SACM1L: variants seen among roughly 807,000 people sequenced by gnomAD.
SACM1L encodes the protein phosphatidylinositol-3-phosphatase SAC1.
SACM1L carries 32 observed loss-of-function variants against 89.5 expected under a neutral mutation model. The observed-to-expected ratio is 0.36, with a 90% confidence interval of 0.27 to 0.48. The LOEUF is 0.48. Among genes scored for constraint, SACM1L ranks in the 20% least tolerant of loss-of-function variants. SACM1L has a pLI of 0.99. For missense variants in SACM1L, 543 were observed against 708.5 expected (o/e 0.77, Z 2.65); for synonymous variants, 213 against 232.8 (o/e 0.92, Z 0.77).
intron 11 of SACM1L, among the ~76,000 whole-genome samples, chr3:45,726,352 C>CT (rs1017690628): frequency 2.5e-3 from 364 of 145,152 alleles, no homozygotes; most frequent in African/African-American, 7.8e-3. Context: ...TGTTAGGAGA[C>CT]TTTTTTTTTT....
chr3:45,732,189 A>T (rs1699088631), intron 13 of SACM1L, 38 bp downstream of exon 13: 2 of 1,215,832 alleles, frequency 1.6e-6, no homozygotes, highest in African/African-American at 1.5e-5. Context: ...TAGAGGGAAG[A>T]GGTATATATA....
At chr3:45,735,045 T>C (rs372289067) in intron 13 of SACM1L, 190 bp from the exon 14 acceptor site, 2 of 463,598 alleles carry the variant, frequency 4.3e-6, no homozygotes, top group South Asian at 6.0e-5. Context: ...TGGAGGGCTG[T>C]CTTGCCTCAG....
rs1214691445 is a variant in SACM1L, at chr3:45,745,011, A to G, written c.*1342A>G. ...TCACTATCTTTTATAAAACATTAAT[A>G]TAAGTCGTTACTTTTAGAAACTAAA... On this transcript the variant is annotated 3_prime_UTR_variant, in exon 20 of 20. Transcript: ENST00000389061. 3 of 151,322 alleles carry G rather than the reference A, an allele frequency of 2.0e-5. No individual in the cohort carries two copies. The highest frequency in any genetic ancestry group is 2.3e-4 in the East Asian group (1 of 4,312). The allele number at this position is 151,322 out of a possible 1,614,324, so 9.4% of individuals were successfully genotyped here. A position where few individuals can be genotyped will look rare whatever the true frequency, so the allele number is the denominator to read the frequency against.
Position 45,737,742 on chromosome 3 carries a change from A to G in SACM1L, c.1310-30A>G, listed in dbSNP as rs779053742. On this transcript the variant is annotated intron_variant, in intron 15 of 19. Transcript: ENST00000389061. ...TAGAACTTTGTTTGTCATCTTAATA[A>G]TTATCAGCTGTTTTTACTTTTTTCT... 2.5e-6 allele frequency: 4 copies of G among 1,601,298 alleles called. No individual in the cohort carries two copies. In the East Asian group the frequency reaches 6.7e-5, roughly 27 times the overall value.
Position 45,698,461 on chromosome 3 carries a change from CAGAG to C in SACM1L, c.33-4971_33-4968del, listed in dbSNP as rs1268366735. Among the ~76,000 whole-genome samples, 16 of 152,330 alleles carry C rather than the reference CAGAG, an allele frequency of 1.1e-4. No homozygotes were observed. In the South Asian group the frequency reaches 2.7e-3, roughly 26 times the overall value. ...CAATTTAGATTCCAACAGCATCTCTCAGAGAGAGAAGATCAAGCAAAGGCCTCAG... is the reference window on the plus strand; with the variant it reads ...CAATTTAGATTCCAACAGCATCTCTCAGAGAAGATCAAGCAAAGGCCTCAG... On this transcript the variant is annotated intron_variant, in intron 1 of 19. Coordinates refer to ENST00000389061, the MANE Select transcript of SACM1L (RefSeq NM_014016.5).
chr3:45,729,748 A>G (rs576803008), intron 11 of SACM1L, among the ~76,000 whole-genome samples: 243 of 152,112 alleles, frequency 1.6e-3, no homozygotes, highest in Admixed American at 3.5e-3. Flanking sequence ...TCTTTCAGCT[A>G]TGTGATTATA....
At chr3:45,696,889 G>T (rs1698140492) in intron 1 of SACM1L, among the ~76,000 whole-genome samples, 1 of 152,050 alleles carries the variant, frequency 6.6e-6, no homozygotes, top group African/African-American at 2.4e-5. Flanking sequence ...TAAAGATATT[G>T]CTTTTCTTAA....
chr3:45,714,570 T>A (rs1316077904), intron 7 of SACM1L, among the ~76,000 whole-genome samples: 1 of 152,170 alleles, frequency 6.6e-6, no homozygotes, highest in African/African-American at 2.4e-5. Flanking sequence ...CACTCCAGCC[T>A]GGGTGACAGG....
At chr3:45,695,070 G>A (rs1419078109) in intron 1 of SACM1L, among the ~76,000 whole-genome samples, 2 of 152,096 alleles carry the variant, frequency 1.3e-5, no homozygotes, top group African/African-American at 2.4e-5. Context: ...ACCAGGGAGG[G>A]CTCAGTGAGG....
At chr3:45,693,195 T>G (rs1156456586) in intron 1 of SACM1L, among the ~76,000 whole-genome samples, 2 of 152,190 alleles carry the variant, frequency 1.3e-5, no homozygotes, top group Non-Finnish European at 2.9e-5. Context: ...ATTATAAGCT[T>G]ATAGGACCAC....
Position 45,743,747 on chromosome 3 carries a change from C to T in SACM1L, c.*78C>T, listed in dbSNP as rs754353666. On this transcript the variant is annotated 3_prime_UTR_variant, in exon 20 of 20. Coordinates refer to ENST00000389061, the MANE Select transcript of SACM1L (RefSeq NM_014016.5). ...GGAGTCTTTACTGACCCGCTTTCCA[C>T]ATCAGCCCAAGGTCTTTTTAATGCC... 54 of 1,488,686 alleles carry T rather than the reference C, an allele frequency of 3.6e-5. No homozygotes were observed. The highest frequency in any genetic ancestry group is 4.8e-5 in the Non-Finnish European group (53 of 1,108,234). 92.2% of individuals were successfully genotyped at this position (1,488,686 alleles called of 1,614,324 possible). A position where few individuals can be genotyped will look rare whatever the true frequency, so the allele number is the denominator to read the frequency against.
At chr3:45,700,191 A>T (rs762510158) in intron 1 of SACM1L, among the ~76,000 whole-genome samples, 32 of 152,184 alleles carry the variant, frequency 2.1e-4, no homozygotes, top group Non-Finnish European at 4.3e-4. Flanking sequence ...AAGTGGAGGA[A>T]TTCGATTTCT....
At chr3:45,705,940 TTTGA>T (rs2125687521) in intron 3 of SACM1L, among the ~76,000 whole-genome samples, 1 of 152,350 alleles carries the variant, frequency 6.6e-6, no homozygotes, top group South Asian at 2.1e-4. Flanking sequence ...TTAGATTTAA[TTTGA>T]TTGAGCTTGT....
chr3:45,729,974 T>A (rs1699008485), intron 11 of SACM1L, among the ~76,000 whole-genome samples: 1 of 152,140 alleles, frequency 6.6e-6, no homozygotes. Flanking sequence ...CTTATAATAA[T>A]TTTTCTATCT....
intron 1 of SACM1L, among the ~76,000 whole-genome samples, chr3:45,691,690 C>T (rs1697994603): frequency 6.6e-6 from 1 of 151,990 alleles, no homozygotes; most frequent in Admixed American, 6.6e-5. Flanking sequence ...TCATAGCTCA[C>T]TGCAGCCTCT....
At chr3:45,702,510 C>G (rs1283463709) in intron 1 of SACM1L, among the ~76,000 whole-genome samples, 1 of 152,216 alleles carries the variant, frequency 6.6e-6, no homozygotes, top group Non-Finnish European at 1.5e-5. Flanking sequence ...CAGCCTTGCT[C>G]AGCTTCTGGA....
intron 1 of SACM1L, among the ~76,000 whole-genome samples, chr3:45,695,915 A>G (rs1189136354): frequency 1.3e-5 from 2 of 150,248 alleles, no homozygotes; most frequent in Non-Finnish European, 3.0e-5. Flanking sequence ...AAGTGGCAGT[A>G]TTTGTCCTTT....
intron 9 of SACM1L, among the ~76,000 whole-genome samples, 185 bp downstream of exon 9, chr3:45,722,270 T>C (rs1342680620): frequency 1.3e-5 from 2 of 152,112 alleles, no homozygotes; most frequent in Non-Finnish European, 2.9e-5. Context: ...CCTGCTGCCA[T>C]TTCCTGCCCT....
chr3:45,703,964 A>T (rs1397406022), intron 2 of SACM1L, among the ~76,000 whole-genome samples: 2 of 152,194 alleles, frequency 1.3e-5, no homozygotes, highest in Admixed American at 6.5e-5. Flanking sequence ...TGGAAATTTA[A>T]TAAATGAAAA....
Sources: gnomAD v4.1 joint callset for allele counts (sites outside exome capture counted in the v4.1 genomes callset) on GRCh38, gnomAD v4.1.1 for gene constraint, MANE v1.5 for transcripts, NCBI Gene and HGNC (gene_info 2026-07-23, HGNC 2026-07-21) for gene names.